TCEANC2: variants seen among roughly 807,000 people sequenced by gnomAD.
The protein encoded by TCEANC2 is transcription elongation factor A N-terminal and central domain-containing protein 2.
A neutral mutation model predicts 22.8 loss-of-function variants in TCEANC2; 20 were observed. The ratio of observed to expected loss-of-function variants is 0.88; its 90% CI spans 0.62 to 1.28. The LOEUF is 1.28. Among genes scored for constraint, TCEANC2 ranks in the 50% most tolerant of loss-of-function variants. TCEANC2 has a pLI of 0.00. For synonymous variants in TCEANC2, 84 were observed against 95.5 expected, an observed-to-expected ratio of 0.88 and a Z score of 0.70; for missense variants, 251 against 249.7, an observed-to-expected ratio of 1.01 and a Z score of -0.03.
intron 3 of TCEANC2, among the ~76,000 whole-genome samples, chr1:54,072,650 C>A (rs980436954): frequency 6.6e-6 from 1 of 152,132 alleles, no homozygotes; most frequent in African/African-American, 2.4e-5. Context: ...CTGCCTCAGA[C>A]TCCCAAAGTG....
rs1658567095 is a variant in TCEANC2, at chr1:54,096,866, C to T, written c.*393C>T. 1 of 992,336 alleles carries T rather than the reference C, an allele frequency of 1.0e-6. No individual in the cohort carries two copies. The highest frequency in any genetic ancestry group is 1.7e-5 in the African/African-American group (1 of 57,490). The allele number at this position is 992,336 out of a possible 1,614,324, so 61.5% of individuals were successfully genotyped here. A position where few individuals can be genotyped will look rare whatever the true frequency, so the allele number is the denominator to read the frequency against. ...GCAGGTAACTGAAACTCAATTACCG[C>T]TGCCGCTCACTCGGTTCCATCCCCC... On this transcript the variant is annotated 3_prime_UTR_variant, in exon 5 of 5. Transcript: ENST00000234827. This position sits in a 1 kb window ranked among gnomAD's most constrained non-coding sequence, Gnocchi z 4.9.
At chr1:54,088,575 G>C (rs781136606) in intron 3 of TCEANC2, 22 bp from the exon 4 acceptor site, 1 of 1,579,336 alleles carries the variant, frequency 6.3e-7, no homozygotes, top group Non-Finnish European at 8.6e-7. Context: ...CCTTTCCTTT[G>C]GTTTTTCTCT....
At chr1:54,109,112 A>G (rs1453700153), downstream of TCEANC2, among the ~76,000 whole-genome samples, 1 of 152,194 alleles carries the variant, frequency 6.6e-6, no homozygotes. Context: ...AATCTGACAT[A>G]CTAGGGGCTG....
At position 54,096,594 on chromosome 1, in the gene TCEANC2, G is replaced by T; in HGVS notation, c.*121G>T. 1 of 1,427,292 alleles carries T rather than the reference G, an allele frequency of 7.0e-7. No homozygotes were observed. The highest frequency in any genetic ancestry group is 9.2e-7 in the Non-Finnish European group (1 of 1,086,474). 88.4% of individuals were successfully genotyped at this position (1,427,292 alleles called of 1,614,324 possible). A position where few individuals can be genotyped will look rare whatever the true frequency, so the allele number is the denominator to read the frequency against. Reference sequence around the variant, plus strand: ...TGGCTGTGCTAGATTTTCCCATGGTGCCGTTCCTTTGCAGACAGAGGATTC... The same window carrying T: ...TGGCTGTGCTAGATTTTCCCATGGTTCCGTTCCTTTGCAGACAGAGGATTC... On this transcript the variant is annotated 3_prime_UTR_variant, in exon 5 of 5. Transcript: ENST00000234827. The surrounding 1 kb of genome is among the most constrained non-coding windows in gnomAD (Gnocchi z 4.9).
In TCEANC2 at chr1:54,101,661, G is replaced by C. The variant is rs1658666370; in HGVS notation, c.*5188G>C. On this transcript the variant is annotated 3_prime_UTR_variant, in exon 5 of 5. Transcript: ENST00000234827. ...TACTATTTATTTTTATTTTGGGAGGGGGTCAGGGTCTCACTCTGTCGCCCA... is the reference window on the plus strand; with the variant it reads ...TACTATTTATTTTTATTTTGGGAGGCGGTCAGGGTCTCACTCTGTCGCCCA... 1 of 152,068 alleles carries C rather than the reference G, an allele frequency of 6.6e-6. No homozygotes were observed. The highest frequency in any genetic ancestry group is 2.4e-5 in the African/African-American group (1 of 41,404). The allele number at this position is 152,068 out of a possible 1,614,324, so 9.4% of individuals were successfully genotyped here. A position where few individuals can be genotyped will look rare whatever the true frequency, so the allele number is the denominator to read the frequency against.
In TCEANC2 at chr1:54,090,069, G is replaced by A. The variant is rs183192585; in HGVS notation, c.438+1279G>A. On this transcript the variant is annotated intron_variant, in intron 4 of 4. Coordinates refer to ENST00000234827, the MANE Select transcript of TCEANC2 (RefSeq NM_153035.3). ...ATGGAACCTGTCCCCTGTTGGCAGG[G>A]TCACCCCAAAGGAATGGAGAGATCA... The A allele has an allele frequency of 4.6e-5, 30 of 655,318 alleles. 1 individual carries two copies. The Admixed American group carries it at 4.7e-4, about 10-fold the overall frequency. 40.6% of individuals were successfully genotyped at this position (655,318 alleles called of 1,614,324 possible).
chr1:54,093,187 C>A (rs1233795618), intron 4 of TCEANC2, among the ~76,000 whole-genome samples: 1 of 152,158 alleles, frequency 6.6e-6, no homozygotes, highest in African/African-American at 2.4e-5. Context: ...CTAGGTTTCT[C>A]CCAGTGTTCC....
intron 2 of TCEANC2, among the ~76,000 whole-genome samples, chr1:54,068,429 A>C (rs1157659695): frequency 6.6e-6 from 1 of 152,202 alleles, no homozygotes; most frequent in Non-Finnish European, 1.5e-5. Context: ...AGACACTCTT[A>C]AGTGAGCTAT....
Position 54,071,351 on chromosome 1 carries a change from G to A in TCEANC2, c.244+2454G>A, listed in dbSNP as rs111309100. ...TCTCTTATGAGGTTGCAGTCAAGCTGCTGGCTGGGGTTGCAGTCATCTGAA... is the reference window on the plus strand; with the variant it reads ...TCTCTTATGAGGTTGCAGTCAAGCTACTGGCTGGGGTTGCAGTCATCTGAA... On this transcript the variant is annotated intron_variant, in intron 3 of 4. Coordinates refer to ENST00000234827, the MANE Select transcript of TCEANC2 (RefSeq NM_153035.3). Among the ~76,000 whole-genome samples the A allele has an allele frequency of 5.8e-3, 884 of 152,318 alleles. 6 individuals are homozygous for A. The highest frequency in any genetic ancestry group is 0.02 in the African/African-American group (827 of 41,564).
At chr1:54,070,912 A>T (rs1658044205) in intron 3 of TCEANC2, among the ~76,000 whole-genome samples, 2 of 152,196 alleles carry the variant, frequency 1.3e-5, no homozygotes, top group Non-Finnish European at 2.9e-5. Flanking sequence ...ATACAATGTG[A>T]TGAGTGCTCT....
chr1:54,096,247 A>AT lies in TCEANC2; in HGVS notation c.439-37dup, dbSNP rs758188509. 1.3e-6 allele frequency: 2 copies of AT among 1,565,384 alleles called. No homozygotes were observed. Among genetic ancestry groups the AT allele is most frequent in the African/African-American group, 2.7e-5 (2 of 73,868 alleles). The stretch of plus-strand genomic sequence containing the variant: ...CTCTCTTGCTTTTAATCCTTACGCA[A>AT]TGTAAGGCTCTAATTTGATAATTTT... On this transcript the variant is annotated intron_variant, in intron 4 of 4. Transcript: ENST00000234827. This position sits in a 1 kb window ranked among gnomAD's most constrained non-coding sequence, Gnocchi z 4.9.
chr1:54,074,174 A>G (rs1300240069), intron 3 of TCEANC2, among the ~76,000 whole-genome samples: 1 of 152,156 alleles, frequency 6.6e-6, no homozygotes, highest in African/African-American at 2.4e-5. Context: ...TGATAATAGT[A>G]GATAAGCTGC....
At chr1:54,060,004 A>G (rs963464066) in intron 2 of TCEANC2, among the ~76,000 whole-genome samples, 2 of 152,158 alleles carry the variant, frequency 1.3e-5, no homozygotes, top group Middle Eastern at 3.2e-3. Context: ...GTGGTGGCTC[A>G]TGCCTATAAT....
intron 4 of TCEANC2, among the ~76,000 whole-genome samples, chr1:54,093,410 A>C (rs12086873): frequency 0.12 from 18,870 of 152,172 alleles, 2,670 homozygotes; most frequent in African/African-American, 0.35. Flanking sequence ...GTTATACATA[A>C]GGTACATGAT....
chr1:54,108,358 G>A (rs1374544162), downstream of TCEANC2, among the ~76,000 whole-genome samples: 3 of 152,212 alleles, frequency 2.0e-5, no homozygotes, highest in Admixed American at 6.5e-5. Context: ...GAATGTGACT[G>A]TATTTGGAGA....
At chr1:54,086,091 T>C (rs1270150536) in intron 3 of TCEANC2, among the ~76,000 whole-genome samples, 1 of 152,180 alleles carries the variant, frequency 6.6e-6, no homozygotes, top group Non-Finnish European at 1.5e-5. Flanking sequence ...ATAAGGTATA[T>C]TTTCCCTTTA....
chr1:54,075,970 A>G (rs1168384437), intron 3 of TCEANC2, among the ~76,000 whole-genome samples: 2 of 151,764 alleles, frequency 1.3e-5, no homozygotes. Flanking sequence ...AGAGGTTGCA[A>G]TGAGCCAAGA....
At chr1:54,107,646 G>A (rs1163918033), downstream of TCEANC2, among the ~76,000 whole-genome samples, 1 of 152,046 alleles carries the variant, frequency 6.6e-6, no homozygotes, top group Non-Finnish European at 1.5e-5. Flanking sequence ...ATATCAATAT[G>A]GACTCATTTA....
Position 54,054,505 on chromosome 1 carries a change from C to G in TCEANC2, c.83C>G (p.Ala28Gly), listed in dbSNP as rs758477995. 1 of 1,613,118 alleles carries G rather than the reference C, an allele frequency of 6.2e-7. No homozygotes were observed. Among genetic ancestry groups the G allele is most frequent in the East Asian group, 2.2e-5 (1 of 44,852 alleles). ...TCTGGAGGAAAGGTTTACAAGCAGGCCACGATTGAATCTCTGAAGGTGAGA... is the reference window on the plus strand; with the variant it reads ...TCTGGAGGAAAGGTTTACAAGCAGGGCACGATTGAATCTCTGAAGGTGAGA... ...KDSGGKVYKQ[A>G]TIESLKRVVV... The change falls in exon 2 of 5, where the codon GCC becomes GGC. Residue 28 changes from alanine (A) to glycine (G), a missense_variant. Physicochemically the swap from Ala to Gly is moderately conservative, Grantham distance 60. Coordinates refer to ENST00000234827, the MANE Select transcript of TCEANC2 (RefSeq NM_153035.3).
Sources: gnomAD v4.1 joint callset for allele counts (sites outside exome capture counted in the v4.1 genomes callset) on GRCh38, gnomAD v4.1.1 for gene constraint, Gnocchi (gnomAD v3.1) non-coding constraint, MANE v1.5 for transcripts, NCBI Gene and HGNC (gene_info 2026-07-23, HGNC 2026-07-21) for gene names.